The following GAB3 variants were observed in gnomAD, a reference collection of about 807,000 sequenced individuals.
GAB3 encodes the protein GRB2 associated binding protein 3.
Under a neutral mutation model 40.4 loss-of-function variants are expected in GAB3, and 12 were observed. The ratio of observed to expected loss-of-function variants is 0.30; its 90% CI spans 0.19 to 0.48. The LOEUF (loss-of-function observed/expected upper bound fraction) is 0.48, where lower values mean the gene tolerates loss of function less well. Among genes scored for constraint, GAB3 ranks in the 20% least tolerant of loss-of-function variants. The probability of loss-of-function intolerance (pLI) is 0.99; values close to 1 mark genes in which losing one functional copy is unlikely to be tolerated. For synonymous variants in GAB3, 154 were observed against 176.7 expected (o/e 0.87, Z 1.02); for missense variants, 381 against 461.9 (o/e 0.82, Z 1.61).
intron 1 of GAB3, among the ~76,000 whole-genome samples, chrX:154,741,674 T>TG (rs2071443469): frequency 1.9e-5 from 1 of 53,518 alleles, no homozygotes; most frequent in Non-Finnish European, 3.2e-5. Flanking sequence ...AGACTCCATC[T>TG]CAAAAAAAAA....
chrX:154,710,428 G>C (rs1447815044), intron 4 of GAB3, among the ~76,000 whole-genome samples: 1 of 111,760 alleles, frequency 8.9e-6, no homozygotes, highest in African/African-American at 3.3e-5. Context: ...AGAGAGTGTG[G>C]CACTGGTGCA....
At chrX:154,689,985 C>G (rs1298748383) in intron 8 of GAB3, among the ~76,000 whole-genome samples, 2 of 109,914 alleles carry the variant, frequency 1.8e-5, no homozygotes, top group East Asian at 2.9e-4. Context: ...AAGAACAAAG[C>G]TGGAGGCATC....
chrX:154,697,630 C>T (rs1452133415), intron 6 of GAB3, among the ~76,000 whole-genome samples: 1 of 111,935 alleles, frequency 8.9e-6, no homozygotes, highest in Non-Finnish European at 1.9e-5. Context: ...TCCCCACCTA[C>T]AATCCATTGT....
At chrX:154,725,526 T>A (rs1035626778) in intron 1 of GAB3, among the ~76,000 whole-genome samples, 63 of 111,077 alleles carry the variant, frequency 5.7e-4, no homozygotes, top group African/African-American at 2.0e-3. Flanking sequence ...ACCATGGCTA[T>A]CTCACAGAGT....
intron 8 of GAB3, 114 bp from the exon 9 acceptor site, chrX:154,680,362 G>A: frequency 2.1e-6 from 1 of 470,919 alleles, no homozygotes; most frequent in Non-Finnish European, 3.7e-6. Flanking sequence ...TAACAGAATA[G>A]TCTGATGAGA....
intron 1 of GAB3, among the ~76,000 whole-genome samples, chrX:154,735,235 A>C (rs1313654220): frequency 8.9e-6 from 1 of 112,298 alleles, no homozygotes; most frequent in African/African-American, 3.2e-5. Context: ...AAAAGGTTGA[A>C]TAAATTATGG....
At chrX:154,725,673 A>C in intron 1 of GAB3, among the ~76,000 whole-genome samples, 1 of 110,864 alleles carries the variant, frequency 9.0e-6, no homozygotes, top group Non-Finnish European at 1.9e-5. Context: ...CTTTGGCTGA[A>C]TACTAACATT....
chrX:154,694,640 G>A (rs782752745), intron 8 of GAB3, among the ~76,000 whole-genome samples: 31 of 111,894 alleles, frequency 2.8e-4, no homozygotes, highest in South Asian at 7.5e-4. Flanking sequence ...TGATCCGCCC[G>A]CCTCAGCCTC....
chrX:154,696,692 T>C (rs60894536), intron 7 of GAB3, among the ~76,000 whole-genome samples: 9,876 of 112,328 alleles, frequency 0.088, 1,079 homozygotes, highest in African/African-American at 0.3. Flanking sequence ...CATAGCCAGT[T>C]CCACTGAGAC....
At chrX:154,712,968 G>C (rs1228519368) in intron 3 of GAB3, among the ~76,000 whole-genome samples, 1 of 112,520 alleles carries the variant, frequency 8.9e-6, no homozygotes, top group Non-Finnish European at 1.9e-5. Flanking sequence ...GACTCATTCT[G>C]TTTAGTATAC....
At chrX:154,730,704 G>A (rs1324375384) in intron 1 of GAB3, among the ~76,000 whole-genome samples, 3 of 112,153 alleles carry the variant, frequency 2.7e-5, no homozygotes, top group African/African-American at 9.7e-5. Flanking sequence ...TCCTTGCCAA[G>A]GGGGGCCACA....
chrX:154,710,150 A>G (rs1557255279), intron 4 of GAB3, among the ~76,000 whole-genome samples: 1 of 112,006 alleles, frequency 8.9e-6, no homozygotes, highest in African/African-American at 3.2e-5. Flanking sequence ...TTATTTGTCA[A>G]TTAAATATTT....
At chrX:154,745,775 G>A (rs1015104180) in intron 1 of GAB3, among the ~76,000 whole-genome samples, 1 of 111,827 alleles carries the variant, frequency 8.9e-6, no homozygotes, top group Non-Finnish European at 1.9e-5. Context: ...AATTTGGCCA[G>A]GCCCAGTGGC....
At chrX:154,741,285 T>C (rs1421954627) in intron 1 of GAB3, among the ~76,000 whole-genome samples, 1 of 112,048 alleles carries the variant, frequency 8.9e-6, no homozygotes, top group Admixed American at 9.5e-5. Flanking sequence ...GTCTCTGGTA[T>C]GTCTGTATTA....
intron 8 of GAB3, among the ~76,000 whole-genome samples, chrX:154,695,120 C>G (rs1603423823): frequency 8.9e-6 from 1 of 111,770 alleles, no homozygotes; most frequent in East Asian, 2.8e-4. Context: ...CATTGTCCTT[C>G]TAAGATCTCT....
chrX:154,709,003 A>G (rs1412875670), intron 4 of GAB3, among the ~76,000 whole-genome samples: 4 of 111,400 alleles, frequency 3.6e-5, no homozygotes, highest in Non-Finnish European at 7.5e-5. Context: ...GTAATTCCCA[A>G]TGTTGGAAGT....
At chrX:154,681,080 T>C (rs1557246753) in intron 8 of GAB3, among the ~76,000 whole-genome samples, 1 of 112,286 alleles carries the variant, frequency 8.9e-6, no homozygotes, top group Non-Finnish European at 1.9e-5. Flanking sequence ...TGGGCATTCA[T>C]GCACCTGTGG....
chrX:154,738,972 T>C (rs1330090292), intron 1 of GAB3, among the ~76,000 whole-genome samples: 1 of 111,340 alleles, frequency 9.0e-6, no homozygotes, highest in African/African-American at 3.3e-5. Flanking sequence ...CAGTCTCCAT[T>C]ACAATGAAGG....
intron 1 of GAB3, among the ~76,000 whole-genome samples, chrX:154,732,256 T>C (rs2071302229): frequency 8.9e-6 from 1 of 111,853 alleles, no homozygotes; most frequent in African/African-American, 3.3e-5. Context: ...AAAAATGAGC[T>C]CATAGTCTAG....
Sources: allele counts gnomAD v4.1 joint callset (sites outside exome capture counted in the v4.1 genomes callset), GRCh38; gene constraint gnomAD v4.1.1; transcripts MANE v1.5; gene names NCBI Gene and HGNC (gene_info 2026-07-23, HGNC 2026-07-21).